PCDH7: variants seen among roughly 807,000 people sequenced by gnomAD.
PCDH7 encodes protocadherin 7, also known as protocadherin-7.
PCDH7 carries 17 observed loss-of-function variants against 58.9 expected under a neutral mutation model. The observed-to-expected ratio is 0.29, with a 90% CI of 0.20 to 0.43. PCDH7 has a LOEUF of 0.43. PCDH7 is among the 20% of genes least tolerant of loss of function. The pLI is 1.00. For missense variants in PCDH7, 1,274 were observed against 1,441.0 expected (o/e 0.88, Z 1.88); for synonymous variants, 664 against 616.4 (o/e 1.08, Z -1.14).
chr4:30,796,958 T>A (rs1724859222), intron 1 of PCDH7, among the ~76,000 whole-genome samples: 1 of 151,116 alleles, frequency 6.6e-6, no homozygotes, highest in South Asian at 2.2e-4. Flanking sequence ...TTGTTGGCGC[T>A]TTTTCTTTTT....
Position 30,722,554 on chromosome 4 carries a change from G to A in PCDH7, c.1132G>A (p.Val378Met), listed in dbSNP as rs1713832286. 3.1e-6 allele frequency: 5 copies of A among 1,612,604 alleles called. No individual in the cohort carries two copies. Among genetic ancestry groups the A allele is most frequent in the Non-Finnish European group, 4.2e-6 (5 of 1,180,002 alleles). The change falls in exon 1 of 2, where the codon GTG becomes ATG. Residue 378 changes from valine (V) to methionine (M), a missense_variant. Around this residue, in one of 3 missense-constraint regions of PCDH7, gnomAD observed 331 missense variants for 303.2 expected, o/e 1.09. Coordinates refer to ENST00000361762, the Ensembl canonical transcript of PCDH7. The surrounding 1 kb of genome is among the most constrained non-coding windows in gnomAD (Gnocchi z 7.6). ...CCTGCACCGGATCGACCGCGAGGAG[G>A]TGAACCAGCTGCGCTTCACGGTCAT...
chr4:30,990,037 A>G (rs1236547707), intron 3 of PCDH7, among the ~76,000 whole-genome samples: 1 of 152,094 alleles, frequency 6.6e-6, no homozygotes, highest in African/African-American at 2.4e-5. Flanking sequence ...AGACTAATAG[A>G]CTGAAGGACC....
chr4:30,810,321 G>C (rs1237819334), intron 1 of PCDH7, among the ~76,000 whole-genome samples: 2 of 151,968 alleles, frequency 1.3e-5, no homozygotes, highest in Non-Finnish European at 2.9e-5. Context: ...ATGGATGGGC[G>C]AATATGTTAC....
chr4:30,872,185 A>G (rs916650046), intron 1 of PCDH7, among the ~76,000 whole-genome samples: 1 of 152,074 alleles, frequency 6.6e-6, no homozygotes, highest in Non-Finnish European at 1.5e-5. Context: ...CTGCTTATTA[A>G]TAGATTAAAT....
At chr4:30,851,626 C>T (rs1362186155) in intron 1 of PCDH7, among the ~76,000 whole-genome samples, 2 of 151,966 alleles carry the variant, frequency 1.3e-5, no homozygotes, top group Admixed American at 6.6e-5. Context: ...AAAATTAGAT[C>T]ATGTATGTGA....
At chr4:30,902,197 T>C (rs1740304772) in intron 1 of PCDH7, among the ~76,000 whole-genome samples, 1 of 152,194 alleles carries the variant, frequency 6.6e-6, no homozygotes, top group East Asian at 1.9e-4. Context: ...CTGGGAAATG[T>C]CTGCTACCCG....
In PCDH7 at chr4:30,722,093, G is replaced by T; in HGVS notation, c.671G>T (p.Arg224Leu). 2 of 1,322,518 alleles carry T rather than the reference G, an allele frequency of 1.5e-6. No homozygotes were observed. Among genetic ancestry groups the T allele is most frequent in the Non-Finnish European group, 1.9e-6 (2 of 1,040,810 alleles). The allele number at this position is 1,322,518 out of a possible 1,614,324, so 81.9% of individuals were successfully genotyped here. Reference sequence around the variant, plus strand: ...GGCGGCGGCTCGGGAGGCTCCAAGCGGCGGCTGGACGCATCAGAGGGCGGC... The same window carrying T: ...GGCGGCGGCTCGGGAGGCTCCAAGCTGCGGCTGGACGCATCAGAGGGCGGC... The change falls in exon 1 of 2, where the codon CGG becomes CTG. Residue 224 changes from arginine (R) to leucine (L), a missense_variant. Physicochemically the swap from Arg to Leu is moderately radical, Grantham distance 102 (BLOSUM62 -2). This residue lies in a region of PCDH7 where 331 missense variants were observed against 303.2 expected (regional missense o/e 1.09). Coordinates refer to ENST00000361762, the Ensembl canonical transcript of PCDH7. This position sits in a 1 kb window ranked among gnomAD's most constrained non-coding sequence, Gnocchi z 7.6.
intron 3 of PCDH7, among the ~76,000 whole-genome samples, chr4:30,978,645 A>AAAGTTGTT (rs1222703597): frequency 6.6e-6 from 1 of 152,168 alleles, no homozygotes; most frequent in Non-Finnish European, 1.5e-5. Context: ...TAGTATTTTA[A>AAAGTTGTT]AAGTTGTTGT....
chr4:31,136,890 T>G (rs1719668235), intron 3 of PCDH7, among the ~76,000 whole-genome samples: 1 of 136,830 alleles, frequency 7.3e-6, no homozygotes, highest in Non-Finnish European at 1.5e-5. Context: ...CAAAAAAAAG[T>G]TTTGGTTAAC....
intron 3 of PCDH7, among the ~76,000 whole-genome samples, chr4:31,101,933 C>T (rs1714944949): frequency 6.6e-6 from 1 of 152,124 alleles, no homozygotes; most frequent in Admixed American, 6.5e-5. Flanking sequence ...AATATTTTGC[C>T]TTAACAAACT....
At chr4:31,145,672 C>G (rs1720626851), downstream of PCDH7, 1 of 151,954 alleles carries the variant, frequency 6.6e-6, no homozygotes, top group Admixed American at 6.6e-5. Context: ...CTGACAAACT[C>G]AGATAATGGA....
intron 1 of PCDH7, among the ~76,000 whole-genome samples, chr4:30,881,716 T>C (rs1265088375): frequency 1.3e-5 from 2 of 152,146 alleles, no homozygotes; most frequent in African/African-American, 2.4e-5. Context: ...TGCTCTCATA[T>C]TAAGTTAAAA....
intron 3 of PCDH7, among the ~76,000 whole-genome samples, chr4:31,017,862 C>T (rs889367423): frequency 1.3e-5 from 2 of 152,152 alleles, no homozygotes; most frequent in Non-Finnish European, 2.9e-5. Flanking sequence ...TGGCAGCATT[C>T]AAGTGGCATT....
chr4:31,048,887 A>T (rs1435079204), intron 3 of PCDH7, among the ~76,000 whole-genome samples: 1 of 152,146 alleles, frequency 6.6e-6, no homozygotes, highest in African/African-American at 2.4e-5. Flanking sequence ...ATGTAAAAGG[A>T]CAAATTGCCC....
rs190954884 is a variant in PCDH7 at position 30,848,368 on chromosome 4, A to T, written c.71-71785A>T. Among the ~76,000 whole-genome samples the T allele has an allele frequency of 8.5e-4, 129 of 152,260 alleles. 1 individual carries two copies. The highest frequency in any genetic ancestry group is 3.0e-3 in the African/African-American group (123 of 41,570). The stretch of plus-strand genomic sequence containing the variant: ...ATGTCATCAGGTGATTCTCTGCAAA[A>T]TTATAATTTTAATATGTATTTACCA... On this transcript the variant is annotated intron_variant, in intron 1 of 3. Transcript: ENST00000509759.
chr4:30,797,117 C>A (rs751649620), intron 1 of PCDH7, among the ~76,000 whole-genome samples: 1 of 151,882 alleles, frequency 6.6e-6, no homozygotes, highest in Non-Finnish European at 1.5e-5. Context: ...CATGCCACCA[C>A]GCCCGGCTAA....
intron 1 of PCDH7, among the ~76,000 whole-genome samples, chr4:30,826,562 G>T (rs1032288387): frequency 3.9e-5 from 6 of 152,022 alleles, no homozygotes; most frequent in Non-Finnish European, 7.4e-5. Context: ...GAGGCAGGAG[G>T]TTTCTTCTTT....
At chr4:31,120,760 G>A (rs573664836) in intron 3 of PCDH7, among the ~76,000 whole-genome samples, 14 of 152,138 alleles carry the variant, frequency 9.2e-5, no homozygotes, top group Middle Eastern at 6.9e-3. Flanking sequence ...TTACTCCGGG[G>A]GCCCTAGTTT....
intron 3 of PCDH7, among the ~76,000 whole-genome samples, chr4:30,972,932 C>A (rs1358790195): frequency 6.6e-6 from 1 of 152,146 alleles, no homozygotes; most frequent in Non-Finnish European, 1.5e-5. Flanking sequence ...TAAACAGTTC[C>A]ATTCTTATGA....
Sources: allele counts gnomAD v4.1 joint callset (sites outside exome capture counted in the v4.1 genomes callset), GRCh38; gene constraint gnomAD v4.1.1; regional missense constraint gnomAD v4.1.1; non-coding constraint Gnocchi (gnomAD v3.1); transcripts MANE v1.5; gene names NCBI Gene and HGNC (gene_info 2026-07-23, HGNC 2026-07-21).